The following RPS6KB1 variants were observed in gnomAD, a reference collection of about 807,000 sequenced individuals.
The protein encoded by RPS6KB1 is ribosomal protein S6 kinase beta-1.
RPS6KB1 carries 12 observed loss-of-function variants against 70.2 expected under a neutral mutation model. That is an observed-to-expected ratio of 0.17 (90% CI 0.11 to 0.28). The LOEUF is 0.28. Among genes scored for constraint, RPS6KB1 ranks in the 10% least tolerant of loss-of-function variants. The pLI, the probability that RPS6KB1 is intolerant of heterozygous loss-of-function variation, is 1.00. For synonymous variants in RPS6KB1, 175 were observed against 211.2 expected (o/e 0.83, Z 1.49); for missense variants, 270 against 646.6 (o/e 0.42, Z 6.32).
chr17:59,920,438 A>G (rs560089121), intron 4 of RPS6KB1, among the ~76,000 whole-genome samples: 1 of 152,358 alleles, frequency 6.6e-6, no homozygotes, highest in South Asian at 2.1e-4. Context: ...TTATTTAAGC[A>G]GTATAAATGA....
chr17:59,917,701 T>G (rs1017377127), intron 4 of RPS6KB1, among the ~76,000 whole-genome samples: 3 of 152,230 alleles, frequency 2.0e-5, no homozygotes, highest in African/African-American at 7.2e-5. Context: ...GCTCCCAAAG[T>G]GTTGGGATTA....
chr17:59,928,712 G>A (rs2043767107), intron 5 of RPS6KB1, among the ~76,000 whole-genome samples: 1 of 152,128 alleles, frequency 6.6e-6, no homozygotes, highest in Non-Finnish European at 1.5e-5. Flanking sequence ...AAAATGATCA[G>A]AAATAGGAAA....
chr17:59,909,135 T>A (rs373899743), intron 1 of RPS6KB1, among the ~76,000 whole-genome samples: 1 of 145,704 alleles, frequency 6.9e-6, no homozygotes, highest in African/African-American at 2.5e-5. Flanking sequence ...TCCATATTGG[T>A]AAGGCTGGTC....
chr17:59,893,465 A>G lies in RPS6KB1; in HGVS notation c.141+140A>G. On this transcript the variant is annotated intron_variant, in intron 1 of 14. Transcript: ENST00000225577. The surrounding 1 kb of genome is among the most constrained non-coding windows in gnomAD (Gnocchi z 4.1). ...AGGGTCGCGCGGCCTGAGACAGGGG[A>G]GCGGGCGGGGCGGTCATGGCCCTAG... 1.1e-6 allele frequency: 1 copy of G among 900,308 alleles called. No homozygotes were observed. Among genetic ancestry groups the G allele is most frequent in the Non-Finnish European group, 1.7e-6 (1 of 599,038 alleles). 55.8% of individuals were successfully genotyped at this position (900,308 alleles called of 1,614,324 possible).
rs746191890 is a variant in RPS6KB1, at chr17:59,893,265, G to A, written c.81G>A (p.Val27=). 6.2e-6 allele frequency: 10 copies of A among 1,612,444 alleles called. No homozygotes were observed. The Admixed American group carries it at 1.7e-4, about 27-fold the overall frequency. ...RDREAEDMAG[V]FDIDLDQPED... Reference sequence around the variant, plus strand: ...GGGAAGCTGAGGACATGGCAGGAGTGTTTGACATAGACCTGGACCAGCCAG... The same window carrying A: ...GGGAAGCTGAGGACATGGCAGGAGTATTTGACATAGACCTGGACCAGCCAG... Residue 27 remains valine (V), a synonymous_variant, in exon 1 of 15, where the codon GTG becomes GTA. Transcript: ENST00000225577. This position sits in a 1 kb window ranked among gnomAD's most constrained non-coding sequence, Gnocchi z 4.1.
chr17:59,919,131 G>C (rs547508950), intron 4 of RPS6KB1, among the ~76,000 whole-genome samples: 1 of 152,274 alleles, frequency 6.6e-6, no homozygotes, highest in African/African-American at 2.4e-5. Flanking sequence ...TCATATTTAA[G>C]AGTAGAACTC....
intron 5 of RPS6KB1, among the ~76,000 whole-genome samples, chr17:59,929,262 C>T (rs2043800945): frequency 6.6e-6 from 1 of 152,058 alleles, no homozygotes; most frequent in Admixed American, 6.6e-5. Flanking sequence ...TCCCAGGTAG[C>T]TGGGATTACA....
chr17:59,909,924 A>G (rs1480843651), intron 1 of RPS6KB1, among the ~76,000 whole-genome samples: 1 of 152,088 alleles, frequency 6.6e-6, no homozygotes, highest in African/African-American at 2.4e-5. Context: ...AGGCAGGGGA[A>G]TCACTTGAAC....
chr17:59,923,432 A>C (rs1403565704), intron 4 of RPS6KB1, among the ~76,000 whole-genome samples: 1 of 152,124 alleles, frequency 6.6e-6, no homozygotes, highest in Non-Finnish European at 1.5e-5. Flanking sequence ...CAACATGGTG[A>C]TCCGCCTGCC....
Position 59,946,885 on chromosome 17 carries a change from A to C in RPS6KB1, c.*97A>C. The stretch of plus-strand genomic sequence containing the variant: ...AAACGACTCAAAATGACAGTTTCAG[A>C]GAGTCAATGTCATTACATAGAACAC... On this transcript the variant is annotated 3_prime_UTR_variant, in exon 15 of 15. Transcript: ENST00000225577. The surrounding 1 kb of genome is among the most constrained non-coding windows in gnomAD (Gnocchi z 4.2). The C allele has an allele frequency of 6.3e-6, 10 of 1,576,596 alleles. No homozygotes were observed. Among genetic ancestry groups the C allele is most frequent in the African/African-American group, 1.3e-5 (1 of 74,240 alleles).
chr17:59,900,553 G>A (rs895140049), intron 1 of RPS6KB1, among the ~76,000 whole-genome samples: 13 of 151,776 alleles, frequency 8.6e-5, no homozygotes, highest in African/African-American at 3.1e-4. Context: ...TTTAGTAGAG[G>A]CGGGGTTTCT....
At chr17:59,941,051 C>CA in intron 13 of RPS6KB1, 108 bp downstream of exon 13, 1 of 572,408 alleles carries the variant, frequency 1.7e-6, no homozygotes, top group Non-Finnish European at 3.0e-6. Flanking sequence ...TAACCTGGCC[C>CA]ACTTTTTTTT....
Position 59,901,461 on chromosome 17 carries a change from T to TA in RPS6KB1, c.141+8149dup, listed in dbSNP as rs77992185. Among the ~76,000 whole-genome samples the TA allele has an allele frequency of 5.7e-3, 779 of 137,120 alleles. 3 individuals carry two copies. The highest frequency in any genetic ancestry group is 0.019 in the South Asian group (77 of 4,032). The allele number at this position is 137,120 out of a possible 152,430, so 90.0% of individuals were successfully genotyped here. A position where few individuals can be genotyped will look rare whatever the true frequency, so the allele number is the denominator to read the frequency against. Reference sequence around the variant, plus strand: ...ACCGCGCCTGGCCGAGACTCCATCTTAAAAAAAAAAAAAGGAAATTTTTAT... The same window carrying TA: ...ACCGCGCCTGGCCGAGACTCCATCTTAAAAAAAAAAAAAAGGAAATTTTTAT... On this transcript the variant is annotated intron_variant, in intron 1 of 14. Coordinates refer to ENST00000225577, the MANE Select transcript of RPS6KB1 (RefSeq NM_003161.4).
At chr17:59,904,676 G>C (rs8070107) in intron 1 of RPS6KB1, among the ~76,000 whole-genome samples, 5,644 of 146,212 alleles carry the variant, frequency 0.039, 376 homozygotes, top group African/African-American at 0.13. Flanking sequence ...TTATAGGCAT[G>C]AGCCACTGCA....
At chr17:59,896,505 G>A (rs1387200897) in intron 1 of RPS6KB1, among the ~76,000 whole-genome samples, 1 of 152,098 alleles carries the variant, frequency 6.6e-6, no homozygotes, top group Admixed American at 6.6e-5. Context: ...TTTTTTGAAA[G>A]TACAGTACTC....
intron 4 of RPS6KB1, among the ~76,000 whole-genome samples, chr17:59,916,167 C>T (rs2042951557): frequency 6.6e-6 from 1 of 151,946 alleles, no homozygotes; most frequent in Non-Finnish European, 1.5e-5. Flanking sequence ...GTGGCGTGAT[C>T]TCAGCTCACT....
intron 1 of RPS6KB1, among the ~76,000 whole-genome samples, chr17:59,910,083 A>T (rs2042543407): frequency 6.6e-6 from 1 of 151,340 alleles, no homozygotes; most frequent in Admixed American, 6.6e-5. Context: ...GCTACTCAGG[A>T]GGCTGAGGTA....
At position 59,942,982 on chromosome 17, in the gene RPS6KB1, CA is replaced by C. The variant is rs892531549; in HGVS notation, c.1227+2052del. Among the ~76,000 whole-genome samples the C allele has an allele frequency of 6.8e-3, 832 of 122,738 alleles. 5 individuals are homozygous for C. Among genetic ancestry groups the C allele is most frequent in the Admixed American group, 0.029 (355 of 12,176 alleles). The allele number at this position is 122,738 out of a possible 152,430, so 80.5% of individuals were successfully genotyped here. On this transcript the variant is annotated intron_variant, in intron 13 of 14. Transcript: ENST00000225577. ...CGATAGAGTGAGTGAGACTCCGTAT[CA>C]AAAAAAAAAAAATTAATTAAAAAAA...
At chr17:59,924,940 CGCCTCA>C (rs2043514709) in intron 4 of RPS6KB1, among the ~76,000 whole-genome samples, 1 of 151,794 alleles carries the variant, frequency 6.6e-6, no homozygotes, top group Non-Finnish European at 1.5e-5. Context: ...GCCATTCTCC[CGCCTCA>C]GCCTCCCAAG....
Sources: gnomAD v4.1 joint callset for allele counts (sites outside exome capture counted in the v4.1 genomes callset) on GRCh38, gnomAD v4.1.1 for gene constraint, Gnocchi (gnomAD v3.1) non-coding constraint, MANE v1.5 for transcripts, NCBI Gene and HGNC (gene_info 2026-07-23, HGNC 2026-07-21) for gene names.